Variants in TAFA5 observed in about 807,000 individuals in gnomAD.
TAFA5 encodes TAFA chemokine like family member 5.
In TAFA5, 6 loss-of-function variants were observed where a neutral mutation model predicts 15.3. That is an observed-to-expected ratio of 0.39 (90% CI 0.21 to 0.77). TAFA5 has a LOEUF of 0.77. Among genes scored for constraint, TAFA5 ranks in the 30% least tolerant of loss-of-function variants. The probability of loss-of-function intolerance (pLI) is 0.41; values close to 1 mark genes in which losing one functional copy is unlikely to be tolerated. For missense variants in TAFA5, 161 were observed against 193.1 expected (o/e 0.83, Z 0.98); for synonymous variants, 103 against 80.7 (o/e 1.28, Z -1.48).
intron 1 of TAFA5, among the ~76,000 whole-genome samples, chr22:48,551,980 C>T: frequency 6.6e-6 from 1 of 152,226 alleles, no homozygotes. Flanking sequence ...AGCACGGGCT[C>T]CTGCGGGAAG....
rs116766011 is a variant in TAFA5 at position 48,638,196 on chromosome 22, A to G, written c.113-8401A>G. ...AACTTCGTCCTTGAGAGCCACTCCT[A>G]CAAGGCAAATGACTGGTCACAGGGT... is the stretch of plus-strand genomic sequence containing the variant. On this transcript the variant is annotated intron_variant, in intron 1 of 3. Transcript: ENST00000402357. Among the ~76,000 whole-genome samples the G allele has an allele frequency of 5.1e-3, 779 of 152,112 alleles. 6 individuals are homozygous for G. The highest frequency in any genetic ancestry group is 0.018 in the African/African-American group (737 of 41,464).
At chr22:48,527,391 T>A (rs1921816877) in intron 1 of TAFA5, among the ~76,000 whole-genome samples, 1 of 152,218 alleles carries the variant, frequency 6.6e-6, no homozygotes. Flanking sequence ...GCCTGGCACC[T>A]GCTTATAGGG....
chr22:48,594,390 T>G (rs74948923), intron 1 of TAFA5, among the ~76,000 whole-genome samples: 4,355 of 152,178 alleles, frequency 0.029, 185 homozygotes, highest in African/African-American at 0.099. Flanking sequence ...CCGGTGCACA[T>G]AGGTTGACAA....
intron 1 of TAFA5, among the ~76,000 whole-genome samples, chr22:48,532,936 A>G (rs1013543557): frequency 1.3e-5 from 2 of 152,242 alleles, no homozygotes; most frequent in East Asian, 1.9e-4. Context: ...GTTGAGGCCA[A>G]GAGACATCCA....
At chr22:48,712,070 TTTGGGGATGGAGTTTCGCTC>T (rs1929271717) in intron 3 of TAFA5, among the ~76,000 whole-genome samples, 1 of 152,248 alleles carries the variant, frequency 6.6e-6, no homozygotes, top group Non-Finnish European at 1.5e-5. Context: ...TCACTGCTTT[TTTGGGGATGGAGTTTCGCTC>T]TTGTCACCCA....
intron 1 of TAFA5, among the ~76,000 whole-genome samples, chr22:48,616,314 G>A (rs578187770): frequency 1.8e-4 from 27 of 152,314 alleles, no homozygotes; most frequent in African/African-American, 5.5e-4. Flanking sequence ...TCTAAAATTC[G>A]AGCATTTTCT....
At chr22:48,506,519 A>C (rs955037126) in intron 1 of TAFA5, among the ~76,000 whole-genome samples, 67 of 152,248 alleles carry the variant, frequency 4.4e-4, no homozygotes, top group Non-Finnish European at 8.2e-4. Flanking sequence ...CTGAGACCAC[A>C]GGGGTGACAG....
At chr22:48,526,528 G>A (rs1371765241) in intron 1 of TAFA5, among the ~76,000 whole-genome samples, 1 of 152,192 alleles carries the variant, frequency 6.6e-6, no homozygotes, top group Non-Finnish European at 1.5e-5. Context: ...CTCACTCCTG[G>A]TTAACTCTGC....
intron 2 of TAFA5, among the ~76,000 whole-genome samples, chr22:48,647,314 C>G (rs1466530286): frequency 6.6e-6 from 1 of 152,102 alleles, no homozygotes; most frequent in Non-Finnish European, 1.5e-5. Flanking sequence ...CAAGCTGGGC[C>G]GTGGCTGAGG....
At chr22:48,512,364 T>C (rs2147102148) in intron 1 of TAFA5, among the ~76,000 whole-genome samples, 1 of 152,312 alleles carries the variant, frequency 6.6e-6, no homozygotes, top group East Asian at 1.9e-4. Context: ...CCCAGCACTT[T>C]GGGAGGCGAC....
chr22:48,674,033 G>T (rs970684586), intron 2 of TAFA5, among the ~76,000 whole-genome samples: 3 of 142,336 alleles, frequency 2.1e-5, no homozygotes, highest in East Asian at 2.1e-4. Context: ...ACTCCTCTTC[G>T]CCCGCCTCAC....
chr22:48,495,287 C>G (rs1391423383), intron 1 of TAFA5, among the ~76,000 whole-genome samples: 1 of 152,190 alleles, frequency 6.6e-6, no homozygotes, highest in Non-Finnish European at 1.5e-5. Context: ...TGGGTGAGCT[C>G]TAGCCATGCG....
chr22:48,672,247 A>G (rs1355343534), intron 2 of TAFA5, among the ~76,000 whole-genome samples: 3 of 152,208 alleles, frequency 2.0e-5, no homozygotes, highest in Non-Finnish European at 4.4e-5. Flanking sequence ...GGGAATCATC[A>G]TACTTCTGCT....
At chr22:48,687,455 G>A (rs1452141467) in intron 2 of TAFA5, among the ~76,000 whole-genome samples, 2 of 148,578 alleles carry the variant, frequency 1.3e-5, no homozygotes, top group Non-Finnish European at 3.0e-5. Context: ...GGGTGGGGGG[G>A]CATCTGTGGA....
At chr22:48,733,330 TC>T (rs1929919111) in intron 3 of TAFA5, among the ~76,000 whole-genome samples, 1 of 152,158 alleles carries the variant, frequency 6.6e-6, no homozygotes, top group Non-Finnish European at 1.5e-5. Flanking sequence ...GGGCCCAGCG[TC>T]CATCTGAAAC....
At chr22:48,684,509 C>G (rs1357907533) in intron 2 of TAFA5, among the ~76,000 whole-genome samples, 1 of 152,136 alleles carries the variant, frequency 6.6e-6, no homozygotes, top group Non-Finnish European at 1.5e-5. Flanking sequence ...GGCTGGACAC[C>G]CAGGACTCAG....
intron 1 of TAFA5, among the ~76,000 whole-genome samples, chr22:48,536,172 T>C (rs1216438368): frequency 6.6e-6 from 1 of 152,206 alleles, no homozygotes; most frequent in African/African-American, 2.4e-5. Context: ...TCTGTCTTCA[T>C]GCGTCCCCCA....
rs192082189 is a variant in TAFA5, at chr22:48,586,971, C to T, written c.113-59626C>T. Among the ~76,000 whole-genome samples the T allele has an allele frequency of 3.0e-3, 464 of 152,356 alleles. 1 individual carries two copies. Among genetic ancestry groups the T allele is most frequent in the African/African-American group, 9.8e-3 (408 of 41,592 alleles). ...CCCTCCGGGTAATCAAGGCCTACCC[C>T]ACATGGGGACTCTGGTGAGAACCGG... On this transcript the variant is annotated intron_variant, in intron 1 of 3. Coordinates refer to ENST00000402357, the MANE Select transcript of TAFA5 (RefSeq NM_001082967.3).
Position 48,751,852 on chromosome 22 carries a change from T to G in TAFA5, c.*2005T>G, listed in dbSNP as rs1359846529. The stretch of plus-strand genomic sequence containing the variant: ...GGGAGATTTAAGATGTTACAGCATA[T>G]TTTTTTTTCTTGTTTTACAGTATTC... On this transcript the variant is annotated 3_prime_UTR_variant, in exon 4 of 4. Coordinates refer to ENST00000402357, the MANE Select transcript of TAFA5 (RefSeq NM_001082967.3). 1 of 152,150 alleles carries G rather than the reference T, an allele frequency of 6.6e-6. No homozygotes were observed. The highest frequency in any genetic ancestry group is 1.9e-4 in the East Asian group (1 of 5,174). 9.4% of individuals were successfully genotyped at this position (152,150 alleles called of 1,614,324 possible).
Sources: allele counts gnomAD v4.1 joint callset (sites outside exome capture counted in the v4.1 genomes callset), GRCh38; gene constraint gnomAD v4.1.1; transcripts MANE v1.5; gene names NCBI Gene and HGNC (gene_info 2026-07-23, HGNC 2026-07-21).